NFKB1: variants seen among roughly 807,000 people sequenced by gnomAD.
NFKB1 encodes the protein nuclear factor kappa B subunit 1.
In NFKB1, 9 loss-of-function variants were observed where a neutral mutation model predicts 105.1. The ratio of observed to expected loss-of-function variants is 0.09; its 90% confidence interval spans 0.05 to 0.15. The LOEUF is 0.15. Among genes scored for constraint, NFKB1 ranks in the 10% least tolerant of loss-of-function variants. The pLI, the probability that NFKB1 is intolerant of heterozygous loss-of-function variation, is 1.00. For missense variants in NFKB1, 830 were observed against 1,203.7 expected, an observed-to-expected ratio of 0.69 and a Z score of 4.59; for synonymous variants, 440 against 442.2, an observed-to-expected ratio of 1.00 and a Z score of 0.06.
intron 12 of NFKB1, among the ~76,000 whole-genome samples, chr4:102,594,572 T>C (rs989175262): frequency 2.0e-5 from 3 of 152,196 alleles, no homozygotes; most frequent in Non-Finnish European, 4.4e-5. Context: ...GTCTTCTACA[T>C]AGGCAAGTCT....
At chr4:102,505,570 T>C (rs1739366447) in intron 1 of NFKB1, among the ~76,000 whole-genome samples, 1 of 152,204 alleles carries the variant, frequency 6.6e-6, no homozygotes, top group African/African-American at 2.4e-5. Flanking sequence ...GCTTTTATTT[T>C]GACCCATGCC....
intron 6 of NFKB1, among the ~76,000 whole-genome samples, chr4:102,573,216 G>A (rs1724531955): frequency 6.6e-6 from 1 of 152,260 alleles, no homozygotes; most frequent in Admixed American, 6.5e-5. Context: ...GCCGAGGCAG[G>A]AGAATCACTT....
intron 5 of NFKB1, among the ~76,000 whole-genome samples, chr4:102,560,965 G>A (rs1370590459): frequency 6.6e-6 from 1 of 151,862 alleles, no homozygotes; most frequent in African/African-American, 2.4e-5. Flanking sequence ...ACTCAGAGAG[G>A]TTATTTAATC....
rs1425980521 is a variant in NFKB1, at chr4:102,577,052, T to G, written c.571+13T>G. ...CGGCAGCTGGGAGGTAAGCATCATT[T>G]TCCTGGCCTTGATCCTCCAAGGGGT... On this transcript the variant is annotated intron_variant, in intron 7 of 23. Transcript: ENST00000226574. The G allele has an allele frequency of 1.1e-5, 18 of 1,605,574 alleles. No homozygotes were observed. Among genetic ancestry groups the G allele is most frequent in the Non-Finnish European group, 1.4e-5 (17 of 1,177,300 alleles).
chr4:102,535,021 C>T (rs757068800), intron 4 of NFKB1, among the ~76,000 whole-genome samples: 3 of 152,138 alleles, frequency 2.0e-5, no homozygotes, highest in Admixed American at 1.3e-4. Flanking sequence ...CCACATGAAA[C>T]TTTGGGGCAT....
chr4:102,556,412 G>A (rs1722992148), intron 5 of NFKB1, among the ~76,000 whole-genome samples: 1 of 152,168 alleles, frequency 6.6e-6, no homozygotes, highest in African/African-American at 2.4e-5. Flanking sequence ...GTGAGAAATG[G>A]ACTGAGCATC....
intron 6 of NFKB1, among the ~76,000 whole-genome samples, chr4:102,572,086 A>G (rs1724415994): frequency 6.6e-6 from 1 of 152,194 alleles, no homozygotes; most frequent in Non-Finnish European, 1.5e-5. Context: ...AACCAACCCA[A>G]ATGTCCATCA....
intron 1 of NFKB1, among the ~76,000 whole-genome samples, chr4:102,511,911 A>G: frequency 6.6e-6 from 1 of 152,216 alleles, no homozygotes. Flanking sequence ...GTCATTTAAA[A>G]GATTTCACAA....
At chr4:102,532,443 A>G (rs1206561044) in intron 3 of NFKB1, among the ~76,000 whole-genome samples, 1 of 152,182 alleles carries the variant, frequency 6.6e-6, no homozygotes, top group Non-Finnish European at 1.5e-5. Context: ...CCTGGCCAAG[A>G]TGGTGAAACC....
Position 102,616,676 on chromosome 4 carries a change from T to C in NFKB1, c.*82T>C. The C allele has an allele frequency of 1.4e-6, 2 of 1,448,384 alleles. No individual in the cohort carries two copies. The highest frequency in any genetic ancestry group is 1.9e-6 in the Non-Finnish European group (2 of 1,063,900). The allele number at this position is 1,448,384 out of a possible 1,614,324, so 89.7% of individuals were successfully genotyped here. ...TCCACAAGACAGAAGCTGAAGTGCA[T>C]CCAAAGGTGCTCAGAGAGCCGGCCC... On this transcript the variant is annotated 3_prime_UTR_variant, in exon 24 of 24. Coordinates refer to ENST00000226574, the MANE Select transcript of NFKB1 (RefSeq NM_003998.4).
At chr4:102,505,659 T>G (rs1050640476) in intron 1 of NFKB1, among the ~76,000 whole-genome samples, 2 of 152,104 alleles carry the variant, frequency 1.3e-5, no homozygotes. Context: ...CTGCTTAAGC[T>G]TTAGAAAAGA....
intron 23 of NFKB1, among the ~76,000 whole-genome samples, chr4:102,615,087 A>G (rs1481908288): frequency 6.6e-6 from 1 of 151,972 alleles, no homozygotes; most frequent in Non-Finnish European, 1.5e-5. Flanking sequence ...CCTTCAGTCC[A>G]TTCTCTGCCC....
rs1728646114 is a variant in NFKB1, at chr4:102,613,562, C to G, written c.2730C>G (p.Ala910=). 6.2e-7 allele frequency: 1 copy of G among 1,613,244 alleles called. No individual in the cohort carries two copies. The change falls in exon 23 of 24, where the codon GCC becomes GCG. Residue 910 remains alanine, a synonymous_variant. Coordinates refer to ENST00000226574, the MANE Select transcript of NFKB1 (RefSeq NM_003998.4). ...CCCACTCGCTGCCTCTCTCGCCTGCCTCCACAAGGCAGCAAATAGGTAAAA... is the reference window on the plus strand; with the variant it reads ...CCCACTCGCTGCCTCTCTCGCCTGCGTCCACAAGGCAGCAAATAGGTAAAA... ...SQAHSLPLSP[A]STRQQIDELR...
rs10023807 is a variant in NFKB1, at chr4:102,576,177, C to T, written c.408-699C>T. 5.2e-3 allele frequency among the ~76,000 whole-genome samples: 792 copies of T among 152,206 alleles called. 8 individuals carry two copies. The highest frequency in any genetic ancestry group is 0.018 in the African/African-American group (754 of 41,520). Reference sequence around the variant, plus strand: ...ATAAAAGATTCTCCATCCCTGTTTACGTGTATACTTAGATGACAACTCTAA... The same window carrying T: ...ATAAAAGATTCTCCATCCCTGTTTATGTGTATACTTAGATGACAACTCTAA... On this transcript the variant is annotated intron_variant, in intron 6 of 23. Transcript: ENST00000226574.
At chr4:102,525,666 A>T (rs997611620) in intron 2 of NFKB1, 109 bp downstream of exon 2, 105 of 980,708 alleles carry the variant, frequency 1.1e-4, no homozygotes, top group East Asian at 4.6e-4. Context: ...AAATTAGTAA[A>T]TTTTTTTTTA....
At chr4:102,568,886 G>A (rs181061651) in intron 6 of NFKB1, among the ~76,000 whole-genome samples, 52 of 152,218 alleles carry the variant, frequency 3.4e-4, no homozygotes, top group African/African-American at 1.3e-3. Context: ...AACATTTTGA[G>A]CATCTCAGCT....
At chr4:102,529,936 A>G in intron 3 of NFKB1, 22 bp downstream of exon 3, 1 of 1,555,048 alleles carries the variant, frequency 6.4e-7, no homozygotes, top group Non-Finnish European at 8.8e-7. Flanking sequence ...CATCCCTGTT[A>G]CCCTGTTGTT....
In NFKB1 at chr4:102,525,571, T is replaced by C; in HGVS notation, c.39+14T>C. 6.2e-7 allele frequency: 1 copy of C among 1,604,626 alleles called. No homozygotes were observed. Among genetic ancestry groups the C allele is most frequent in the Non-Finnish European group, 8.5e-7 (1 of 1,173,432 alleles). On this transcript the variant is annotated intron_variant, in intron 2 of 23. Transcript: ENST00000226574. ...AGGCCTGAACAAGTAAGTGTCATAA[T>C]CTCACTGATAACTTTATTTAAATAT...
At chr4:102,522,742 C>T (rs1578717758) in intron 1 of NFKB1, among the ~76,000 whole-genome samples, 1 of 152,110 alleles carries the variant, frequency 6.6e-6, no homozygotes, top group African/African-American at 2.4e-5. Context: ...TATGAAGGTT[C>T]AGGAGATCAG....
Sources: allele counts gnomAD v4.1 joint callset (sites outside exome capture counted in the v4.1 genomes callset), GRCh38; gene constraint gnomAD v4.1.1; transcripts MANE v1.5; gene names NCBI Gene and HGNC (gene_info 2026-07-23, HGNC 2026-07-21).